Variants in MINDY3 observed in about 807,000 individuals in gnomAD.
The protein encoded by MINDY3 is MINDY lysine 48 deubiquitinase 3, also known as ubiquitin carboxyl-terminal hydrolase MINDY-3.
A neutral mutation model predicts 69.2 loss-of-function variants in MINDY3; 38 were observed. The observed-to-expected ratio is 0.55, with a 90% CI of 0.42 to 0.72. The LOEUF (loss-of-function observed/expected upper bound fraction) is 0.72, where lower values mean the gene tolerates loss of function less well. Ranked by LOEUF, MINDY3 falls within the 30% of genes least tolerant of loss-of-function variation. The probability of loss-of-function intolerance (pLI) is 0.00; values close to 1 mark genes in which losing one functional copy is unlikely to be tolerated. For synonymous variants in MINDY3, 192 were observed against 180.1 expected, an observed-to-expected ratio of 1.07 and a Z score of -0.53; for missense variants, 522 against 519.0, an observed-to-expected ratio of 1.01 and a Z score of -0.06.
intron 10 of MINDY3, among the ~76,000 whole-genome samples, chr10:15,807,853 A>G (rs746530525): frequency 9.2e-5 from 14 of 152,208 alleles, no homozygotes; most frequent in African/African-American, 2.9e-4. Context: ...ACAGCTGCAT[A>G]AGGCAAAGAG....
At chr10:15,818,783 G>A (rs1427230319) in intron 9 of MINDY3, among the ~76,000 whole-genome samples, 1 of 152,176 alleles carries the variant, frequency 6.6e-6, no homozygotes, top group African/African-American at 2.4e-5. Flanking sequence ...GTACAAAAGA[G>A]GTAAATCCAC....
chr10:15,844,556 A>C (rs1204467013), intron 2 of MINDY3, among the ~76,000 whole-genome samples: 1 of 152,184 alleles, frequency 6.6e-6, no homozygotes, highest in African/African-American at 2.4e-5. Flanking sequence ...AAGTTTACTT[A>C]TTATTTAAAT....
chr10:15,844,015 T>C (rs1005239348), intron 2 of MINDY3, among the ~76,000 whole-genome samples: 3 of 152,122 alleles, frequency 2.0e-5, no homozygotes, highest in African/African-American at 7.2e-5. Flanking sequence ...TCACCTGTGT[T>C]TGAAAGTATT....
intron 13 of MINDY3, among the ~76,000 whole-genome samples, chr10:15,786,239 C>T (rs1020808213): frequency 6.6e-6 from 1 of 152,104 alleles, no homozygotes; most frequent in African/African-American, 2.4e-5. Context: ...TTAACAGCTT[C>T]CTGAGAGAAG....
At chr10:15,788,055 A>G (rs935708303) in intron 12 of MINDY3, among the ~76,000 whole-genome samples, 1 of 151,978 alleles carries the variant, frequency 6.6e-6, no homozygotes, top group African/African-American at 2.4e-5. Context: ...TAGATGATAT[A>G]TAGCTATGGA....
At chr10:15,835,896 T>C (rs1833044804) in intron 6 of MINDY3, among the ~76,000 whole-genome samples, 1 of 152,086 alleles carries the variant, frequency 6.6e-6, no homozygotes, top group Admixed American at 6.6e-5. Context: ...CCCAATTTTC[T>C]AGTTTTCCTG....
intron 10 of MINDY3, among the ~76,000 whole-genome samples, chr10:15,810,837 A>G (rs573130303): frequency 4.6e-5 from 7 of 152,298 alleles, no homozygotes; most frequent in Admixed American, 3.9e-4. Context: ...AAAAACTCTT[A>G]TAACTCAATA....
At position 15,798,757 on chromosome 10, in the gene MINDY3, G is replaced by T. The variant is rs996620341; in HGVS notation, c.883-2585C>A. Among the ~76,000 whole-genome samples the T allele has an allele frequency of 2.2e-4, 33 of 150,824 alleles. 1 individual carries two copies. Among genetic ancestry groups the T allele is most frequent in the African/African-American group, 8.2e-4 (33 of 40,426 alleles). On this transcript the variant is annotated intron_variant, in intron 10 of 14. Transcript: ENST00000277632. Reference sequence around the variant, plus strand: ...ATCATGCCATTGCACTCCAGCCTGGGCAACAGGGCAAGACTCTGTCTCAAA... The same window carrying T: ...ATCATGCCATTGCACTCCAGCCTGGTCAACAGGGCAAGACTCTGTCTCAAA...
chr10:15,850,005 G>A (rs752333808), intron 1 of MINDY3, among the ~76,000 whole-genome samples: 7 of 152,294 alleles, frequency 4.6e-5, no homozygotes, highest in East Asian at 1.9e-4. Context: ...TGCTGAAGCT[G>A]TGACAGAAGA....
At chr10:15,857,453 T>A (rs993028039) in intron 1 of MINDY3, among the ~76,000 whole-genome samples, 1 of 152,152 alleles carries the variant, frequency 6.6e-6, no homozygotes, top group African/African-American at 2.4e-5. Context: ...GACTCTCAAC[T>A]GTAAGAGCTT....
At chr10:15,821,577 T>C (rs1839765461) in intron 9 of MINDY3, 79 bp downstream of exon 9, 2 of 1,046,372 alleles carry the variant, frequency 1.9e-6, no homozygotes, top group Non-Finnish European at 2.9e-6. Flanking sequence ...TCAAATGTGC[T>C]GTCAGAGGAA....
At chr10:15,832,383 C>T (rs1001077293) in intron 8 of MINDY3, among the ~76,000 whole-genome samples, 9 of 152,096 alleles carry the variant, frequency 5.9e-5, no homozygotes, top group African/African-American at 2.2e-4. Context: ...GAAGCCATCA[C>T]AGGTGACAGA....
chr10:15,848,711 C>T (rs1248889819), intron 1 of MINDY3, among the ~76,000 whole-genome samples: 1 of 143,732 alleles, frequency 7.0e-6, no homozygotes, highest in Non-Finnish European at 1.5e-5. Flanking sequence ...TTTATATTGG[C>T]TTTACCTTAA....
chr10:15,835,389 A>G (rs1833005981), intron 6 of MINDY3, among the ~76,000 whole-genome samples: 1 of 152,118 alleles, frequency 6.6e-6, no homozygotes, highest in Non-Finnish European at 1.5e-5. Flanking sequence ...TAAGAATTAA[A>G]TAGATGATTA....
At chr10:15,854,574 A>G (rs776090962) in intron 1 of MINDY3, among the ~76,000 whole-genome samples, 5 of 152,132 alleles carry the variant, frequency 3.3e-5, no homozygotes, top group Non-Finnish European at 5.9e-5. Flanking sequence ...AAGGCTTTTA[A>G]GTTAAACATA....
chr10:15,852,806 C>T (rs1388705480), intron 1 of MINDY3, among the ~76,000 whole-genome samples: 1 of 152,048 alleles, frequency 6.6e-6, no homozygotes. Flanking sequence ...TTGGCGACCA[C>T]AGATTCAACC....
chr10:15,786,243 A>G (rs2131837402), intron 13 of MINDY3, among the ~76,000 whole-genome samples: 1 of 152,254 alleles, frequency 6.6e-6, no homozygotes, highest in South Asian at 2.1e-4. Flanking sequence ...CAGCTTCCTG[A>G]GAGAAGAAAA....
chr10:15,812,985 T>C (rs552356196), intron 10 of MINDY3, among the ~76,000 whole-genome samples: 63 of 152,258 alleles, frequency 4.1e-4, no homozygotes, highest in Admixed American at 1.0e-3. Context: ...CTGGACCAAA[T>C]TGTACTCTTT....
intron 10 of MINDY3, among the ~76,000 whole-genome samples, chr10:15,813,674 A>G (rs1839163596): frequency 6.6e-6 from 1 of 152,220 alleles, no homozygotes; most frequent in Admixed American, 6.5e-5. Context: ...AAATGAGTAT[A>G]TGAATGAATG....
Sources: gnomAD v4.1 joint callset for allele counts (sites outside exome capture counted in the v4.1 genomes callset) on GRCh38, gnomAD v4.1.1 for gene constraint, MANE v1.5 for transcripts, NCBI Gene and HGNC (gene_info 2026-07-23, HGNC 2026-07-21) for gene names.